The following USP45 variants were observed in gnomAD, a reference collection of about 807,000 sequenced individuals.
USP45 encodes the protein ubiquitin specific peptidase 45, also known as ubiquitin carboxyl-terminal hydrolase 45.
A neutral mutation model predicts 95.8 loss-of-function variants in USP45; 89 were observed. That is an observed-to-expected ratio of 0.93 (90% CI 0.78 to 1.11). The LOEUF (loss-of-function observed/expected upper bound fraction) is 1.11, where lower values mean the gene tolerates loss of function less well. Among genes scored for constraint, USP45 ranks in the 50% least tolerant of loss-of-function variants. The probability of loss-of-function intolerance (pLI) is 0.00; values close to 1 mark genes in which losing one functional copy is unlikely to be tolerated. For synonymous variants in USP45, 281 were observed against 316.2 expected (o/e 0.89, Z 1.18); for missense variants, 898 against 942.5 (o/e 0.95, Z 0.62).
At chr6:99,511,575 A>G (rs1187856622) in intron 1 of USP45, among the ~76,000 whole-genome samples, 3 of 152,064 alleles carry the variant, frequency 2.0e-5, no homozygotes, top group East Asian at 1.9e-4. Flanking sequence ...TCAGCCTCCC[A>G]AGTAGCTAGG....
Position 99,507,447 on chromosome 6 carries a change from GATTA to G in USP45, c.354_357del (p.Asn119Ter), listed in dbSNP as rs1798796700. 1 of 1,608,060 alleles carries G rather than the reference GATTA, an allele frequency of 6.2e-7. No individual in the cohort carries two copies. ...ACTTACCATATAATCCATGTGCTCA[GATTA>G]ATTATAATACAATGGGGCTCTGTTC... On this transcript the variant is annotated frameshift_variant, in exon 4 of 18. Coordinates refer to ENST00000500704, the MANE Select transcript of USP45 (RefSeq NM_001346022.3). LOFTEE classifies it high-confidence loss of function.
At position 99,447,637 on chromosome 6, in the gene USP45, A is replaced by G. The variant is rs958871303; in HGVS notation, c.1309-1174T>C. On this transcript the variant is annotated intron_variant, in intron 13 of 17. Transcript: ENST00000500704. ...TCTGGGGTCAGGGCACAGCCCAACA[A>G]AAGGCAGCAGAAACCCCTGCAGACT... Among the ~76,000 whole-genome samples, 5 of 152,188 alleles carry G rather than the reference A, an allele frequency of 3.3e-5. No homozygotes were observed. In the East Asian group the frequency reaches 9.6e-4, roughly 29 times the overall value.
intron 8 of USP45, among the ~76,000 whole-genome samples, chr6:99,477,193 TTAATA>T (rs1345742056): frequency 1.3e-5 from 2 of 152,230 alleles, no homozygotes; most frequent in East Asian, 1.9e-4. Context: ...GAATTTATAA[TTAATA>T]TAAGTTCTAC....
chr6:99,455,691 T>G (rs987226768), intron 13 of USP45, among the ~76,000 whole-genome samples: 3 of 151,844 alleles, frequency 2.0e-5, no homozygotes, highest in Admixed American at 2.0e-4. Flanking sequence ...GGAATACTCT[T>G]CAGCCCTAAA....
In USP45 at chr6:99,446,141, T is replaced by C; in HGVS notation, c.1631A>G (p.Tyr544Cys). 1 of 1,614,182 alleles carries C rather than the reference T, an allele frequency of 6.2e-7. No individual in the cohort carries two copies. The highest frequency in any genetic ancestry group is 1.6e-4 in the Middle Eastern group (1 of 6,062). ...LYPLSAGKLL[Y>C]TKETDSGDKE... is the part of the protein sequence containing the mutation. Reference sequence around the variant, plus strand: ...ATCACCACTGTCAGTCTCCTTGGTGTACAGCAGTTTACCTGCTGACAGAGG... The same window carrying C: ...ATCACCACTGTCAGTCTCCTTGGTGCACAGCAGTTTACCTGCTGACAGAGG... Residue 544 changes from tyrosine (Y) to cysteine (C), a missense_variant, in exon 14 of 18, where the codon TAC becomes TGC. By Grantham distance (194) the Tyr-to-Cys change is radical. Coordinates refer to ENST00000500704, the MANE Select transcript of USP45 (RefSeq NM_001346022.3).
chr6:99,468,764 G>A (rs944505487), intron 9 of USP45, 146 bp from the exon 10 acceptor site: 6 of 552,740 alleles, frequency 1.1e-5, no homozygotes, highest in Non-Finnish European at 1.6e-5. Context: ...TTTAAAAAAT[G>A]TAATTTCTTC....
chr6:99,476,045 G>A, intron 9 of USP45, 98 bp downstream of exon 9: 3 of 1,074,032 alleles, frequency 2.8e-6, no homozygotes, highest in South Asian at 1.5e-5. Context: ...TGAAACTCCT[G>A]ACCTCAGATG....
chr6:99,483,221 T>C (rs917515053), intron 7 of USP45, among the ~76,000 whole-genome samples: 1 of 152,174 alleles, frequency 6.6e-6, no homozygotes, highest in Non-Finnish European at 1.5e-5. Context: ...CGAATAATCA[T>C]ACATTATTTG....
intron 7 of USP45, among the ~76,000 whole-genome samples, chr6:99,485,579 G>A (rs371625723): frequency 1.3e-5 from 2 of 152,162 alleles, no homozygotes; most frequent in South Asian, 4.2e-4. Context: ...AGTGAATGTG[G>A]GGGGGAGTTG....
intron 13 of USP45, among the ~76,000 whole-genome samples, chr6:99,451,290 A>G (rs1337084830): frequency 1.3e-5 from 2 of 152,198 alleles, no homozygotes; most frequent in African/African-American, 2.4e-5. Context: ...AAACCCCATC[A>G]TCTCAACCCA....
chr6:99,512,348 G>C (rs7775372), intron 1 of USP45, among the ~76,000 whole-genome samples: 36,852 of 151,948 alleles, frequency 0.24, 4,745 homozygotes, highest in East Asian at 0.37. Flanking sequence ...GGGGCCCATA[G>C]AATACTCTTT....
chr6:99,497,581 A>T (rs919076913), intron 5 of USP45, among the ~76,000 whole-genome samples: 1 of 152,242 alleles, frequency 6.6e-6, no homozygotes, highest in East Asian at 1.9e-4. Context: ...ATCTTTACTT[A>T]GTCATATGAT....
chr6:99,439,954 T>C, intron 15 of USP45, 99 bp from the exon 16 acceptor site: 4 of 836,858 alleles, frequency 4.8e-6, no homozygotes, highest in Non-Finnish European at 7.2e-6. Flanking sequence ...CTTAGTTTTT[T>C]CATAGATAAA....
intron 4 of USP45, among the ~76,000 whole-genome samples, chr6:99,506,133 A>G (rs1204032950): frequency 6.6e-6 from 1 of 152,210 alleles, no homozygotes; most frequent in African/African-American, 2.4e-5. Flanking sequence ...ATACCCTTAT[A>G]TTAATTTTAG....
chr6:99,451,879 A>G (rs1169656466), intron 13 of USP45, among the ~76,000 whole-genome samples: 1 of 152,206 alleles, frequency 6.6e-6, no homozygotes, highest in African/African-American at 2.4e-5. Flanking sequence ...AATACCACAC[A>G]TCTACAACCA....
At chr6:99,468,714 G>T (rs1788586117) in intron 9 of USP45, 96 bp from the exon 10 acceptor site, 2 of 697,916 alleles carry the variant, frequency 2.9e-6, no homozygotes, top group Non-Finnish European at 4.5e-6. Flanking sequence ...GTACACTGTG[G>T]ATTTCAGTTC....
intron 13 of USP45, among the ~76,000 whole-genome samples, chr6:99,448,723 G>T (rs1255698983): frequency 6.6e-6 from 1 of 152,144 alleles, no homozygotes; most frequent in East Asian, 1.9e-4. Context: ...ACACATAATT[G>T]TCAGATTCAC....
chr6:99,453,102 A>C (rs1784255073), intron 13 of USP45, among the ~76,000 whole-genome samples: 1 of 151,664 alleles, frequency 6.6e-6, no homozygotes, highest in Non-Finnish European at 1.5e-5. Flanking sequence ...GGTGCAGCAC[A>C]CCAACATGGC....
chr6:99,432,671 G>A lies in USP45; in HGVS notation c.*3045C>T, dbSNP rs2128510250. The A allele has an allele frequency of 6.6e-6, 1 of 152,390 alleles. No individual in the cohort carries two copies. Among genetic ancestry groups the A allele is most frequent in the East Asian group, 1.9e-4 (1 of 5,184 alleles). 9.4% of individuals were successfully genotyped at this position (152,390 alleles called of 1,614,324 possible). On this transcript the variant is annotated 3_prime_UTR_variant, in exon 18 of 18. Transcript: ENST00000500704. ...TCTAGAAATAATCTTTTTTAACAAT[G>A]CACTAGATACTATCTAAAGGCTCAA...
Sources: gnomAD v4.1 joint callset for allele counts (sites outside exome capture counted in the v4.1 genomes callset) on GRCh38, gnomAD v4.1.1 for gene constraint, MANE v1.5 for transcripts, NCBI Gene and HGNC (gene_info 2026-07-23, HGNC 2026-07-21) for gene names.